LRRTM4: variants seen among roughly 807,000 people sequenced by gnomAD.
The protein encoded by LRRTM4 is leucine-rich repeat transmembrane neuronal protein 4.
Under a neutral mutation model 47.6 loss-of-function variants are expected in LRRTM4, and 25 were observed. That is an observed-to-expected ratio of 0.53 (90% CI 0.38 to 0.73). The LOEUF is 0.73. LRRTM4 is among the 30% of genes least tolerant of loss of function. LRRTM4 has a pLI of 0.00. For missense variants in LRRTM4, 638 were observed against 713.4 expected (o/e 0.89, Z 1.20); for synonymous variants, 311 against 269.5 (o/e 1.15, Z -1.51).
intron 3 of LRRTM4, chr2:77,517,047 G>A: frequency 1.0e-6 from 1 of 984,894 alleles, no homozygotes; most frequent in African/African-American, 1.7e-5. Flanking sequence ...TATATTGCCA[G>A]AATTTAACCT....
chr2:77,450,125 A>C (rs1676200989), intron 3 of LRRTM4, among the ~76,000 whole-genome samples: 1 of 152,168 alleles, frequency 6.6e-6, no homozygotes, highest in Admixed American at 6.5e-5. Context: ...TACTCATTGA[A>C]GCATTATTTA....
chr2:77,465,287 C>T (rs1052526606), intron 3 of LRRTM4, among the ~76,000 whole-genome samples: 3 of 152,058 alleles, frequency 2.0e-5, no homozygotes, highest in Non-Finnish European at 2.9e-5. Flanking sequence ...TCCTTTAGCT[C>T]GTTAGTTAAC....
intron 3 of LRRTM4, among the ~76,000 whole-genome samples, chr2:77,477,509 C>A (rs1360127887): frequency 1.3e-5 from 2 of 152,010 alleles, no homozygotes; most frequent in Non-Finnish European, 2.9e-5. Flanking sequence ...TCTGTCATTG[C>A]TATATACTAT....
chr2:77,238,157 A>C (rs985257794), intron 3 of LRRTM4, among the ~76,000 whole-genome samples: 2 of 152,154 alleles, frequency 1.3e-5, no homozygotes, highest in African/African-American at 2.4e-5. Context: ...TCTTGTCACA[A>C]GTAAAGCTAT....
chr2:76,794,176 C>G (rs1274150014), intron 3 of LRRTM4, among the ~76,000 whole-genome samples: 4 of 152,152 alleles, frequency 2.6e-5, no homozygotes, highest in Middle Eastern at 3.2e-3. Context: ...GAGTTTACTT[C>G]AGAGTAACCA....
chr2:77,068,002 G>A (rs750860256), intron 3 of LRRTM4, among the ~76,000 whole-genome samples: 15 of 151,910 alleles, frequency 9.9e-5, no homozygotes, highest in African/African-American at 2.4e-4. Flanking sequence ...CAATTTATAC[G>A]GAGGATAAAG....
chr2:76,782,493 A>G (rs1439691627), intron 3 of LRRTM4, among the ~76,000 whole-genome samples: 1 of 152,242 alleles, frequency 6.6e-6, no homozygotes, highest in Non-Finnish European at 1.5e-5. Flanking sequence ...AGCTCACTGC[A>G]ATAGCAACAG....
chr2:76,832,532 A>G (rs965086116), intron 3 of LRRTM4, among the ~76,000 whole-genome samples: 1 of 148,628 alleles, frequency 6.7e-6, no homozygotes, highest in Admixed American at 6.8e-5. Context: ...TCCTAGGTAA[A>G]TATTTCTTGA....
At chr2:76,773,757 A>T (rs1489509906) in intron 3 of LRRTM4, among the ~76,000 whole-genome samples, 1 of 151,964 alleles carries the variant, frequency 6.6e-6, no homozygotes, top group African/African-American at 2.4e-5. Context: ...GAAGAAGTAA[A>T]CAAATAGAAA....
intron 3 of LRRTM4, among the ~76,000 whole-genome samples, chr2:76,931,868 A>G (rs1330263286): frequency 1.3e-5 from 2 of 152,158 alleles, no homozygotes; most frequent in African/African-American, 2.4e-5. Flanking sequence ...AACCCTAAAA[A>G]TTCCTACTAA....
At chr2:76,880,950 G>A (rs72821241) in intron 3 of LRRTM4, among the ~76,000 whole-genome samples, 10,123 of 152,170 alleles carry the variant, frequency 0.067, 767 homozygotes, top group African/African-American at 0.18. Flanking sequence ...GAAGGGTACA[G>A]GGAGTGGGGG....
rs1672226470 is a variant in LRRTM4, at chr2:76,858,644, C to T, written c.1552-109728G>A. 5.3e-5 allele frequency among the ~76,000 whole-genome samples: 8 copies of T among 152,200 alleles called. No homozygotes were observed. The South Asian group carries it at 1.7e-3, about 32-fold the overall frequency. On this transcript the variant is annotated intron_variant, in intron 3 of 3. Transcript: ENST00000409884. ...ATTCTTTCAGTGATGATAGAGGAATCAAGTAATAAATAGATATTTTACTAT... is the reference window on the plus strand; with the variant it reads ...ATTCTTTCAGTGATGATAGAGGAATTAAGTAATAAATAGATATTTTACTAT...
intron 3 of LRRTM4, among the ~76,000 whole-genome samples, chr2:76,802,435 G>GAAAAC (rs1675749066): frequency 6.6e-6 from 1 of 151,878 alleles, no homozygotes; most frequent in African/African-American, 2.4e-5. Context: ...TCTATATACT[G>GAAAAC]AAAACAAAAA....
At chr2:76,823,642 G>T (rs915601364) in intron 3 of LRRTM4, among the ~76,000 whole-genome samples, 1 of 149,522 alleles carries the variant, frequency 6.7e-6, no homozygotes, top group South Asian at 2.1e-4. Context: ...ATAAATATTT[G>T]TAAGTGTTCT....
intron 3 of LRRTM4, among the ~76,000 whole-genome samples, chr2:76,825,325 C>T (rs1051292692): frequency 1.3e-5 from 2 of 151,690 alleles, no homozygotes; most frequent in Non-Finnish European, 3.0e-5. Context: ...GAGATAATGG[C>T]TGGTTGAAAT....
chr2:77,049,633 T>G (rs1388238109), intron 3 of LRRTM4, among the ~76,000 whole-genome samples: 4 of 146,028 alleles, frequency 2.7e-5, no homozygotes, highest in Non-Finnish European at 6.1e-5. Context: ...CATTTTTAAA[T>G]TAAATTAATT....
intron 3 of LRRTM4, among the ~76,000 whole-genome samples, chr2:77,221,710 T>A (rs1178484803): frequency 6.6e-6 from 1 of 151,672 alleles, no homozygotes; most frequent in Non-Finnish European, 1.5e-5. Context: ...ATAAAGCAAG[T>A]CCTGAGTGAC....
chr2:77,450,421 T>C (rs1305400388), intron 3 of LRRTM4, among the ~76,000 whole-genome samples: 1 of 152,130 alleles, frequency 6.6e-6, no homozygotes, highest in Non-Finnish European at 1.5e-5. Flanking sequence ...TGAAATCCAT[T>C]AGTCTCCAAC....
intron 3 of LRRTM4, among the ~76,000 whole-genome samples, chr2:76,994,779 T>C (rs1257878779): frequency 1.3e-5 from 2 of 151,972 alleles, no homozygotes; most frequent in African/African-American, 4.8e-5. Flanking sequence ...AGCAAATAAT[T>C]ACATAAAAGT....
Sources: gnomAD v4.1 joint callset for allele counts (sites outside exome capture counted in the v4.1 genomes callset) on GRCh38, gnomAD v4.1.1 for gene constraint, MANE v1.5 for transcripts, NCBI Gene and HGNC (gene_info 2026-07-23, HGNC 2026-07-21) for gene names.